Variants in ABAT observed in about 807,000 individuals in gnomAD.
The protein encoded by ABAT is 4-aminobutyrate aminotransferase, mitochondrial.
Under a neutral mutation model 64.6 loss-of-function variants are expected in ABAT, and 45 were observed. That is an observed-to-expected ratio of 0.70 (90% CI 0.55 to 0.89). ABAT has a LOEUF of 0.89. Ranked by LOEUF, ABAT falls within the 40% of genes least tolerant of loss-of-function variation. The pLI, the probability that ABAT is intolerant of heterozygous loss-of-function variation, is 0.00. For synonymous variants in ABAT, 297 were observed against 250.5 expected, an observed-to-expected ratio of 1.19 and a Z score of -1.75; for missense variants, 633 against 658.4, an observed-to-expected ratio of 0.96 and a Z score of 0.42.
intron 1 of ABAT, among the ~76,000 whole-genome samples, chr16:8,707,517 G>C (rs570588647): frequency 6.6e-5 from 10 of 152,042 alleles, no homozygotes; most frequent in African/African-American, 2.4e-4. Flanking sequence ...AGGCAAATGA[G>C]AGTCCCTTTT....
intron 2 of ABAT, 29 bp from the exon 3 acceptor site, chr16:8,745,972 G>T: frequency 1.3e-6 from 2 of 1,597,364 alleles, no homozygotes; most frequent in Non-Finnish European, 1.7e-6. Flanking sequence ...CTGTCACCAG[G>T]GATTTCTCAT....
chr16:8,767,630 G>T (rs2059982465), intron 9 of ABAT, among the ~76,000 whole-genome samples: 1 of 152,192 alleles, frequency 6.6e-6, no homozygotes, highest in African/African-American at 2.4e-5. Context: ...CAGCACTGGT[G>T]AGAAGCCAGA....
rs375881036 is a variant in ABAT, at chr16:8,776,512, C to T, written c.1269+22C>T. The stretch of plus-strand genomic sequence containing the variant: ...CCAGGTAACACCCCCTCCCCTGCCC[C>T]GCCCCCACCACCCATGGCTCCCCGC... On this transcript the variant is annotated intron_variant, in intron 14 of 15. Transcript: ENST00000268251. This position sits in a 1 kb window ranked among gnomAD's most constrained non-coding sequence, Gnocchi z 4.4. The T allele has an allele frequency of 1.6e-3, 2,569 of 1,575,560 alleles. 11 individuals carry two copies. The highest frequency in any genetic ancestry group is 2.0e-3 in the Non-Finnish European group (2,358 of 1,161,538).
At chr16:8,729,459 G>C (rs532517552) in intron 1 of ABAT, among the ~76,000 whole-genome samples, 1 of 152,124 alleles carries the variant, frequency 6.6e-6, no homozygotes, top group African/African-American at 2.4e-5. Flanking sequence ...TATCATCTCT[G>C]AACAGGGAGA....
At chr16:8,698,305 A>C (rs900441968) in intron 1 of ABAT, among the ~76,000 whole-genome samples, 3 of 148,800 alleles carry the variant, frequency 2.0e-5, no homozygotes, top group African/African-American at 7.4e-5. Context: ...ATGCTCATGG[A>C]CCCTTGGGTT....
At chr16:8,771,193 G>C (rs1235076957) in intron 11 of ABAT, among the ~76,000 whole-genome samples, 1 of 151,874 alleles carries the variant, frequency 6.6e-6, no homozygotes, top group African/African-American at 2.4e-5. Context: ...TACTCCAGAG[G>C]CCGAAGCAGG....
chr16:8,776,246 C>T lies in ABAT; in HGVS notation c.1123-98C>T. ...TGGTAGATGCCCACTAGATTAGTTT[C>T]TCTCCTCTTCAAGAGAGGAGGCGGG... On this transcript the variant is annotated intron_variant, in intron 13 of 15. Transcript: ENST00000268251. The surrounding 1 kb of genome is among the most constrained non-coding windows in gnomAD (Gnocchi z 4.4). 1 of 1,534,818 alleles carries T rather than the reference C, an allele frequency of 6.5e-7. No homozygotes were observed. Among genetic ancestry groups the T allele is most frequent in the Admixed American group, 1.7e-5 (1 of 59,662 alleles).
chr16:8,693,456 T>C (rs979190359), intron 1 of ABAT, among the ~76,000 whole-genome samples: 1 of 152,208 alleles, frequency 6.6e-6, no homozygotes, highest in Non-Finnish European at 1.5e-5. Flanking sequence ...ATACTCTTTT[T>C]AGGTCTTTTT....
At chr16:8,706,969 C>T (rs1011641501) in intron 1 of ABAT, among the ~76,000 whole-genome samples, 7 of 152,034 alleles carry the variant, frequency 4.6e-5, no homozygotes, top group African/African-American at 1.7e-4. Flanking sequence ...GAGCTCTGTG[C>T]CCTCCCGGAA....
At chr16:8,735,078 T>TGCC (rs1337712674) in intron 1 of ABAT, among the ~76,000 whole-genome samples, 1 of 148,698 alleles carries the variant, frequency 6.7e-6, no homozygotes, top group Non-Finnish European at 1.5e-5. Context: ...TGGTAGCACA[T>TGCC]GCCTGTAGTC....
chr16:8,687,543 C>G (rs2141953937), intron 1 of ABAT, among the ~76,000 whole-genome samples: 1 of 152,282 alleles, frequency 6.6e-6, no homozygotes, highest in Non-Finnish European at 1.5e-5. Flanking sequence ...AAAAACAAAA[C>G]AAAAACAGAA....
chr16:8,676,087 G>A (rs2141878846), intron 1 of ABAT, among the ~76,000 whole-genome samples: 1 of 152,286 alleles, frequency 6.6e-6, no homozygotes, highest in Non-Finnish European at 1.5e-5. Flanking sequence ...CAGGTTGGGA[G>A]GCAGGAGAGA....
chr16:8,728,929 C>T (rs1428038990), intron 1 of ABAT, among the ~76,000 whole-genome samples: 1 of 152,192 alleles, frequency 6.6e-6, no homozygotes, highest in Non-Finnish European at 1.5e-5. Context: ...CAAGCCCACA[C>T]TTTCTCAGAA....
At chr16:8,681,216 C>G (rs1233960823) in intron 1 of ABAT, among the ~76,000 whole-genome samples, 1 of 151,208 alleles carries the variant, frequency 6.6e-6, no homozygotes, top group East Asian at 2.0e-4. Flanking sequence ...GTTTTGAACT[C>G]CTAGGATCAA....
Position 8,764,500 on chromosome 16 carries a change from C to A in ABAT, c.448-238C>A, listed in dbSNP as rs1420657993. On this transcript the variant is annotated intron_variant, in intron 7 of 15. Coordinates refer to ENST00000268251, the MANE Select transcript of ABAT (RefSeq NM_020686.6). The surrounding 1 kb of genome is among the most constrained non-coding windows in gnomAD (Gnocchi z 4.2). ...TAGGTGTCTTAGACAGTGGCAGGTG[C>A]ATCAGGAGTGGGCTTTTGCCCCCCT... Among the ~76,000 whole-genome samples the A allele has an allele frequency of 6.6e-6, 1 of 152,162 alleles. No individual in the cohort carries two copies. The highest frequency in any genetic ancestry group is 2.4e-5 in the African/African-American group (1 of 41,452).
rs1596464416 is a variant in ABAT, at chr16:8,764,282, A to G, written c.447+133A>G. On this transcript the variant is annotated intron_variant, in intron 7 of 15. Coordinates refer to ENST00000268251, the MANE Select transcript of ABAT (RefSeq NM_020686.6). The surrounding 1 kb of genome is among the most constrained non-coding windows in gnomAD (Gnocchi z 4.2). ...TCTCTCTGAGCTTATTCTTCCATGC[A>G]GAGTATTTTAAATTTTTCTTTTAAA... is the stretch of plus-strand genomic sequence containing the variant. The G allele has an allele frequency of 1.2e-6, 1 of 818,122 alleles. No homozygotes were observed. Among genetic ancestry groups the G allele is most frequent in the Non-Finnish European group, 2.0e-6 (1 of 496,664 alleles). The allele number at this position is 818,122 out of a possible 1,614,324, so 50.7% of individuals were successfully genotyped here.
At chr16:8,691,607 A>G (rs1053268984) in intron 1 of ABAT, among the ~76,000 whole-genome samples, 2 of 152,100 alleles carry the variant, frequency 1.3e-5, no homozygotes, top group African/African-American at 2.4e-5. Context: ...ACTCGGCAAC[A>G]TTTTTGTATT....
In ABAT at chr16:8,683,072, T is replaced by G. The variant is rs376774069; in HGVS notation, c.-42+8361T>G. Among the ~76,000 whole-genome samples the G allele has an allele frequency of 3.6e-4, 55 of 152,340 alleles. No homozygotes were observed. In the East Asian group the frequency reaches 8.5e-3, roughly 23 times the overall value. ...CATCTTTCAGGCATTACTGGCCATT[T>G]GTACCTTTGCCTGACGTTATCTCTT... On this transcript the variant is annotated intron_variant, in intron 1 of 15. Coordinates refer to ENST00000268251, the MANE Select transcript of ABAT (RefSeq NM_020686.6).
At chr16:8,706,224 T>A in intron 1 of ABAT, among the ~76,000 whole-genome samples, 1 of 144,858 alleles carries the variant, frequency 6.9e-6, no homozygotes, top group Admixed American at 7.0e-5. Flanking sequence ...TGAAACTCTG[T>A]CTCTATAAAA....
Sources: gnomAD v4.1 joint callset for allele counts (sites outside exome capture counted in the v4.1 genomes callset) on GRCh38, gnomAD v4.1.1 for gene constraint, Gnocchi (gnomAD v3.1) non-coding constraint, MANE v1.5 for transcripts, NCBI Gene and HGNC (gene_info 2026-07-23, HGNC 2026-07-21) for gene names.